The following EDA variants were observed in gnomAD, a reference collection of about 807,000 sequenced individuals.
EDA encodes ectodysplasin A.
Under a neutral mutation model 23.6 loss-of-function variants are expected in EDA, and 2 were observed. The ratio of observed to expected loss-of-function variants is 0.08; its 90% CI spans 0.03 to 0.27. The LOEUF is 0.27. Ranked by LOEUF, EDA falls within the 10% of genes least tolerant of loss-of-function variation. EDA has a pLI of 1.00. For synonymous variants in EDA, 131 were observed against 132.0 expected (o/e 0.99, Z 0.05); for missense variants, 229 against 324.2 (o/e 0.71, Z 2.26).
In EDA at chrX:70,039,297, G is replaced by T. The variant is rs2020302244; in HGVS notation, c.*3688G>T. On this transcript the variant is annotated 3_prime_UTR_variant, in exon 8 of 8. Transcript: ENST00000374552. ...TTCCTCCAGCTGGGATTGGGGGGTG[G>T]GCTTTGTTGTGAGAATGGCCTGGAG... 1 of 111,802 alleles carries T rather than the reference G, an allele frequency of 8.9e-6. No individual in the cohort carries two copies. Among genetic ancestry groups the T allele is most frequent in the Non-Finnish European group, 1.9e-5 (1 of 53,083 alleles). The allele number at this position is 111,802 out of a possible 1,213,427, so 9.2% of individuals were successfully genotyped here.
At chrX:69,865,468 G>A (rs1368246770) in intron 1 of EDA, among the ~76,000 whole-genome samples, 6 of 111,207 alleles carry the variant, frequency 5.4e-5, no homozygotes, top group Non-Finnish European at 1.1e-4. Flanking sequence ...GAAAGATGTA[G>A]ACTGGGAGGC....
intron 1 of EDA, among the ~76,000 whole-genome samples, chrX:69,714,050 C>T (rs1443608066): frequency 9.1e-6 from 1 of 110,385 alleles, no homozygotes; most frequent in Non-Finnish European, 1.9e-5. Context: ...ATGAATGGTT[C>T]TCTTTCTCCA....
intron 2 of EDA, among the ~76,000 whole-genome samples, chrX:69,990,109 T>C (rs2019563652): frequency 9.0e-6 from 1 of 110,778 alleles, no homozygotes; most frequent in Admixed American, 9.6e-5. Flanking sequence ...ATATTCTTGG[T>C]TCTTAGTATG....
chrX:69,915,701 G>C (rs919132466), intron 1 of EDA, among the ~76,000 whole-genome samples: 2 of 111,367 alleles, frequency 1.8e-5, no homozygotes, highest in Non-Finnish European at 3.8e-5. Flanking sequence ...TAATGAGCAA[G>C]ACAGACATAG....
chrX:69,793,803 G>A (rs2015478463), intron 1 of EDA, among the ~76,000 whole-genome samples: 1 of 110,364 alleles, frequency 9.1e-6, no homozygotes, highest in Admixed American at 9.7e-5. Context: ...AAAAGAGGCT[G>A]GAAAAGCTAG....
chrX:69,798,117 A>G (rs2015586442), intron 1 of EDA, among the ~76,000 whole-genome samples: 1 of 111,726 alleles, frequency 9.0e-6, no homozygotes, highest in South Asian at 3.7e-4. Flanking sequence ...GTAGGAAGAT[A>G]TAATTGAAAT....
chrX:69,637,784 C>G (rs1569279190), intron 1 of EDA, among the ~76,000 whole-genome samples: 1 of 111,087 alleles, frequency 9.0e-6, no homozygotes, highest in Non-Finnish European at 1.9e-5. Context: ...ATAGTAAGTC[C>G]TCACTAAATG....
chrX:69,817,347 A>G (rs1415898968), intron 1 of EDA, among the ~76,000 whole-genome samples: 2 of 111,841 alleles, frequency 1.8e-5, no homozygotes, highest in African/African-American at 3.3e-5. Flanking sequence ...TCATAATGAC[A>G]GGATTAAACT....
At chrX:69,973,697 C>T (rs1369386481) in intron 2 of EDA, among the ~76,000 whole-genome samples, 1 of 111,341 alleles carries the variant, frequency 9.0e-6, no homozygotes, top group African/African-American at 3.3e-5. Flanking sequence ...ATCTAACAAC[C>T]CAAATGCCCA....
intron 1 of EDA, among the ~76,000 whole-genome samples, chrX:69,789,508 A>G (rs1224192047): frequency 8.9e-6 from 1 of 111,980 alleles, no homozygotes; most frequent in Non-Finnish European, 1.9e-5. Flanking sequence ...AGCTGTATCT[A>G]TTTCATCCGT....
chrX:69,925,958 A>G (rs774356115), intron 1 of EDA, among the ~76,000 whole-genome samples: 31 of 110,151 alleles, frequency 2.8e-4, no homozygotes, highest in African/African-American at 9.5e-4. Context: ...AGAGATTTTT[A>G]TATTATTCTC....
intron 1 of EDA, among the ~76,000 whole-genome samples, chrX:69,935,740 A>G (rs1205108621): frequency 9.1e-6 from 1 of 110,133 alleles, no homozygotes; most frequent in Non-Finnish European, 1.9e-5. Flanking sequence ...AAGTCTTCCT[A>G]CATCCTACAC....
chrX:69,944,601 G>T (rs1453859352), intron 1 of EDA, among the ~76,000 whole-genome samples: 5 of 111,428 alleles, frequency 4.5e-5, no homozygotes, highest in Non-Finnish European at 9.4e-5. Context: ...GAAGAGGGAA[G>T]GAATCTCTCC....
chrX:69,914,344 A>G (rs1385498097), intron 1 of EDA, among the ~76,000 whole-genome samples: 1 of 112,100 alleles, frequency 8.9e-6, no homozygotes, highest in Non-Finnish European at 1.9e-5. Flanking sequence ...AGAAGAGAAT[A>G]CTGAGGCCCA....
At chrX:69,702,949 G>C (rs1454876741) in intron 1 of EDA, among the ~76,000 whole-genome samples, 1 of 109,289 alleles carries the variant, frequency 9.2e-6, no homozygotes, top group African/African-American at 3.4e-5. Flanking sequence ...CCTAAGGTTT[G>C]CAAGTTTTTT....
At position 69,685,995 on chromosome X, in the gene EDA, CTTTCTTTTCT is replaced by C. The variant is rs752682516; in HGVS notation, c.396+69305_396+69314del. On this transcript the variant is annotated intron_variant, in intron 1 of 7. Coordinates refer to ENST00000374552, the MANE Select transcript of EDA (RefSeq NM_001399.5). ...AACATTCTTAAGTGAAATGGCATGTCTTTCTTTTCTTTTCTTTTCTTTTTTGTTTTGAGAC... is the reference window on the plus strand; with the variant it reads ...AACATTCTTAAGTGAAATGGCATGTCTTTCTTTTCTTTTTTGTTTTGAGAC... 2.2e-4 allele frequency among the ~76,000 whole-genome samples: 25 copies of C among 112,256 alleles called. No individual in the cohort carries two copies. In the East Asian group the frequency reaches 5.0e-3, roughly 23 times the overall value.
intron 1 of EDA, among the ~76,000 whole-genome samples, chrX:69,684,828 T>C (rs1341335661): frequency 8.9e-6 from 1 of 112,513 alleles, no homozygotes; most frequent in Non-Finnish European, 1.9e-5. Context: ...TTGTTTAGCT[T>C]TGCTTATTTA....
At chrX:69,739,211 G>T (rs2013368286) in intron 1 of EDA, among the ~76,000 whole-genome samples, 1 of 110,929 alleles carries the variant, frequency 9.0e-6, no homozygotes, top group East Asian at 2.8e-4. Flanking sequence ...TTCCTAATGG[G>T]TTGATCATTA....
At chrX:69,923,878 A>T (rs1234898104) in intron 1 of EDA, among the ~76,000 whole-genome samples, 3 of 111,459 alleles carry the variant, frequency 2.7e-5, no homozygotes, top group Non-Finnish European at 5.6e-5. Flanking sequence ...CTGGCATGAG[A>T]TCGTATCTCA....
Sources: allele counts gnomAD v4.1 joint callset (sites outside exome capture counted in the v4.1 genomes callset), GRCh38; gene constraint gnomAD v4.1.1; transcripts MANE v1.5; gene names NCBI Gene and HGNC (gene_info 2026-07-23, HGNC 2026-07-21).